Variants in RPL13 observed in about 807,000 individuals in gnomAD.
The protein encoded by RPL13 is ribosomal protein L13.
Under a neutral mutation model 21.4 loss-of-function variants are expected in RPL13, and 1 was observed. The ratio of observed to expected loss-of-function variants is 0.05; its 90% CI spans 0.02 to 0.22. RPL13 has a LOEUF of 0.22. RPL13 is among the 10% of genes least tolerant of loss of function. The pLI is 1.00. For synonymous variants in RPL13, 143 were observed against 120.5 expected (o/e 1.19, Z -1.23); for missense variants, 289 against 303.0 (o/e 0.95, Z 0.34).
In RPL13 at chr16:89,561,383, C is replaced by T. The variant is rs2058743147; in HGVS notation, c.246+15C>T. The T allele has an allele frequency of 1.2e-6, 2 of 1,609,910 alleles. No homozygotes were observed. The highest frequency in any genetic ancestry group is 2.7e-5 in the African/African-American group (2 of 74,946). On this transcript the variant is annotated intron_variant, in intron 3 of 5. Coordinates refer to ENST00000311528, the MANE Select transcript of RPL13 (RefSeq NM_000977.4). ...AGGAGCTCAGGGTGAGTACTGGCAG[C>T]GCTGCGGTGTCAGGAAGGCCCCGAA...
upstream of RPL13, chr16:89,560,674 G>C (rs370164340): frequency 4.8e-5 from 17 of 357,646 alleles, no homozygotes; most frequent in African/African-American, 3.7e-4. Context: ...GCATTGCGGG[G>C]CCGCTTCCTT....
At chr16:89,562,002 C>T in intron 4 of RPL13, 1 of 589,650 alleles carries the variant, frequency 1.7e-6, no homozygotes, top group South Asian at 2.2e-5. Context: ...CTTCGTATTC[C>T]AAAATATTTC....
rs7195222 is a variant in RPL13, at chr16:89,564,139, C to T, written c.*1097C>T. 0.03 allele frequency: 4,631 copies of T among 152,378 alleles called. 235 individuals are homozygous for T. The highest frequency in any genetic ancestry group is 0.11 in the African/African-American group (4,412 of 41,540). 9.4% of individuals were successfully genotyped at this position (152,378 alleles called of 1,614,324 possible). A position where few individuals can be genotyped will look rare whatever the true frequency, so the allele number is the denominator to read the frequency against. ...GGCCATGACAACCCCAGAGAAGCAG[C>T]TTCAGGGACCGAGTCAGATTCTGTT... On this transcript the variant is annotated 3_prime_UTR_variant, in exon 6 of 6. Transcript: ENST00000311528.
chr16:89,561,391 T>C (rs761614064), intron 3 of RPL13, 23 bp downstream of exon 3: 5 of 1,610,792 alleles, frequency 3.1e-6, no homozygotes, highest in Non-Finnish European at 2.5e-6. Flanking sequence ...AGCGCTGCGG[T>C]GTCAGGAAGG....
At chr16:89,561,091 G>A (rs1162296250) in intron 2 of RPL13, 28 bp downstream of exon 2, 3 of 1,582,090 alleles carry the variant, frequency 1.9e-6, no homozygotes, top group African/African-American at 1.4e-5. Context: ...GGCTGCCCCT[G>A]GGGCTCGTGC....
chr16:89,561,471 A>G (rs1177871129), intron 3 of RPL13, 103 bp downstream of exon 3: 1 of 1,612,220 alleles, frequency 6.2e-7, no homozygotes, highest in Admixed American at 1.7e-5. Flanking sequence ...GGCCTTGATG[A>G]AAGCACATTT....
downstream of RPL13, chr16:89,566,280 T>G (rs890171731): frequency 7.4e-6 from 1 of 134,788 alleles, no homozygotes; most frequent in Admixed American, 7.1e-5. Context: ...GGCGCTAGTC[T>G]CCTGCCCCGG....
chr16:89,561,608 A>G lies in RPL13; in HGVS notation c.277A>G (p.Thr93Ala), dbSNP rs2058745403. Residue 93 changes from threonine (T) to alanine (A), a missense_variant, in exon 4 of 6, where the codon ACC (threonine) becomes GCC (alanine). Thr to Ala is a moderately conservative substitution (Grantham distance 58). Transcript: ENST00000311528. ...CGGCATTCACAAGAAGGTGGCCCGG[A>G]CCATCGGCATTTCTGTGGATCCGAG... ...VAGIHKKVAR[T>A]IGISVDPRRR... The G allele has an allele frequency of 6.2e-7, 1 of 1,613,544 alleles. No individual in the cohort carries two copies. Among genetic ancestry groups the G allele is most frequent in the Non-Finnish European group, 8.5e-7 (1 of 1,180,044 alleles).
chr16:89,562,710 C>CTT (rs368479679), intron 5 of RPL13, 174 bp from the exon 6 acceptor site: 18 of 541,322 alleles, frequency 3.3e-5, no homozygotes, highest in South Asian at 6.6e-5. Flanking sequence ...GAGGGTTTTT[C>CTT]TTTTTTTTTT....
At position 89,561,294 on chromosome 16, in the gene RPL13, A is replaced by G. The variant is rs1207632727; in HGVS notation, c.172A>G (p.Ile58Val). 6.4e-7 allele frequency: 1 copy of G among 1,572,750 alleles called. No individual in the cohort carries two copies. The highest frequency in any genetic ancestry group is 8.6e-7 in the Non-Finnish European group (1 of 1,164,320). The part of the protein sequence containing the change: ...PRPASGPIRP[I>V]VRCPTVRYHT... ...CCCCGCGTCGGGTCCCATCCGGCCC[A>G]TCGTGCGCTGCCCCACGGTTCGGTA... The change falls in exon 3 of 6, where the codon ATC (isoleucine) becomes GTC (valine). Residue 58 changes from isoleucine (I) to valine (V), a missense_variant. By Grantham distance (29) the Ile-to-Val change is conservative. Transcript: ENST00000311528.
Position 89,560,708 on chromosome 16 carries a change from A to G in RPL13, c.-25A>G, listed in dbSNP as rs977465638. The G allele has an allele frequency of 2.1e-5, 9 of 424,580 alleles. No individual in the cohort carries two copies. The highest frequency in any genetic ancestry group is 8.2e-5 in the East Asian group (2 of 24,484). The allele number at this position is 424,580 out of a possible 1,614,324, so 26.3% of individuals were successfully genotyped here. ...TTTCCGCTCGGCTGTTTTCCTGCGC[A>G]GGAGGTGAGGGAGACTGGGTCCTGG... is the stretch of plus-strand genomic sequence containing the variant. On this transcript the variant is annotated 5_prime_UTR_variant, in exon 1 of 6. Transcript: ENST00000311528.
chr16:89,560,833 GCTCTAGGCGCGGCCGGACGGCC>G, intron 1 of RPL13, 85 bp from the exon 2 acceptor site: 1 of 683,914 alleles, frequency 1.5e-6, no homozygotes, highest in South Asian at 2.2e-5. Flanking sequence ...CGCTGCCCGG[GCTCTAGGCGCGGCCGGACGGCC>G]CAGTCTGGAG....
At chr16:89,564,646 C>T (rs2058770419), downstream of RPL13, 1 of 152,148 alleles carries the variant, frequency 6.6e-6, no homozygotes, top group Non-Finnish European at 1.5e-5. Context: ...GACAGCGAGA[C>T]TCAGTCTCAA....
intron 4 of RPL13, chr16:89,562,058 C>T (rs1216056369): frequency 8.5e-6 from 5 of 587,674 alleles, no homozygotes; most frequent in Non-Finnish European, 1.5e-5. Context: ...CCATTGTATA[C>T]GTTTCCGGGT....
intron 4 of RPL13, 138 bp downstream of exon 4, chr16:89,561,889 T>C (rs2058747763): frequency 2.1e-6 from 2 of 960,246 alleles, no homozygotes; most frequent in Non-Finnish European, 3.1e-6. Context: ...GCGGGACTGC[T>C]AAGGTTCACC....
chr16:89,562,748 G>C, intron 5 of RPL13, 136 bp from the exon 6 acceptor site: 1 of 815,014 alleles, frequency 1.2e-6, no homozygotes, highest in Non-Finnish European at 1.9e-6. Flanking sequence ...GATTGACTCA[G>C]GGTTGCTTTT....
At chr16:89,562,462 CG>C (rs2058752505) in intron 5 of RPL13, 71 bp downstream of exon 5, 2 of 1,450,944 alleles carry the variant, frequency 1.4e-6, no homozygotes, top group East Asian at 4.7e-5. Context: ...ATCTGAGATG[CG>C]GGTGATGGGG....
chr16:89,565,806 G>T (rs2058784905), downstream of RPL13: 1 of 152,248 alleles, frequency 6.6e-6, no homozygotes, highest in African/African-American at 2.4e-5. Context: ...TGGGTCACTG[G>T]GAGCTGAGAG....
Position 89,563,260 on chromosome 16 carries a change from G to T in RPL13, c.*218G>T. The T allele has an allele frequency of 2.5e-6, 1 of 399,194 alleles. No homozygotes were observed. The highest frequency in any genetic ancestry group is 4.3e-5 in the East Asian group (1 of 23,384). 24.7% of individuals were successfully genotyped at this position (399,194 alleles called of 1,614,324 possible). A position where few individuals can be genotyped will look rare whatever the true frequency, so the allele number is the denominator to read the frequency against. ...GTTTGGTTAGTGACTGATGTAAAAC[G>T]GTTTTCTTGTGGGGAGGTTACAGAG... On this transcript the variant is annotated 3_prime_UTR_variant, in exon 6 of 6. Transcript: ENST00000311528.
Sources: allele counts gnomAD v4.1 joint callset, GRCh38; gene constraint gnomAD v4.1.1; transcripts MANE v1.5; gene names NCBI Gene and HGNC (gene_info 2026-07-23, HGNC 2026-07-21).